Variants in KIF13A observed in about 807,000 individuals in gnomAD.
KIF13A encodes kinesin family member 13A.
A neutral mutation model predicts 212.2 loss-of-function variants in KIF13A; 79 were observed. The observed-to-expected ratio is 0.37, with a 90% CI of 0.31 to 0.45. KIF13A has a LOEUF of 0.45. Among genes scored for constraint, KIF13A ranks in the 20% least tolerant of loss-of-function variants. The pLI, the probability that KIF13A is intolerant of heterozygous loss-of-function variation, is 1.00. For synonymous variants in KIF13A, 789 were observed against 808.6 expected (o/e 0.98, Z 0.41); for missense variants, 1,901 against 2,209.0 (o/e 0.86, Z 2.79).
At chr6:17,781,133 G>A (rs2150307512) in intron 30 of KIF13A, 44 bp downstream of exon 30, 3 of 1,610,854 alleles carry the variant, frequency 1.9e-6, no homozygotes, top group Non-Finnish European at 2.5e-6. Flanking sequence ...CAAGCCTTGT[G>A]TGCTAATCTG....
rs553619622 is a variant in KIF13A, at chr6:17,793,443, TCA to T, written c.3222+804_3222+805del. Among the ~76,000 whole-genome samples, 19 of 152,218 alleles carry T rather than the reference TCA, an allele frequency of 1.2e-4. No individual in the cohort carries two copies. The South Asian group carries it at 3.7e-3, about 30-fold the overall frequency. ...TGAATAGTTCTGACTGATAATACGATCAATTCTTAGATCAATTCTTAGAGGTT... is the reference window on the plus strand; with the variant it reads ...TGAATAGTTCTGACTGATAATACGATATTCTTAGATCAATTCTTAGAGGTT... On this transcript the variant is annotated intron_variant, in intron 25 of 38. Transcript: ENST00000259711.
intron 2 of KIF13A, among the ~76,000 whole-genome samples, chr6:17,910,230 A>G (rs570906808): frequency 6.6e-6 from 1 of 152,380 alleles, no homozygotes; most frequent in African/African-American, 2.4e-5. Flanking sequence ...CAATTTGATA[A>G]GTAGTGGGTA....
At chr6:17,810,658 G>C (rs1055647048) in intron 17 of KIF13A, among the ~76,000 whole-genome samples, 1 of 152,166 alleles carries the variant, frequency 6.6e-6, no homozygotes, top group African/African-American at 2.4e-5. Flanking sequence ...AGAATCAGTG[G>C]GAGCCCTGAG....
chr6:17,870,772 T>C (rs903727161), intron 4 of KIF13A, among the ~76,000 whole-genome samples: 1 of 150,162 alleles, frequency 6.7e-6, no homozygotes, highest in Non-Finnish European at 1.5e-5. Context: ...TGCAGCTGGG[T>C]TCCCCCCCGC....
chr6:17,846,548 G>A (rs1767081518), intron 9 of KIF13A, among the ~76,000 whole-genome samples: 1 of 145,274 alleles, frequency 6.9e-6, no homozygotes, highest in Admixed American at 7.1e-5. Flanking sequence ...TGGGAAAATT[G>A]CTTGAGGCCA....
chr6:17,873,357 T>A lies in KIF13A; in HGVS notation c.220+20A>T, dbSNP rs529580188. On this transcript the variant is annotated intron_variant, in intron 4 of 38. Transcript: ENST00000259711. ...AGAGGCCAGAAGCCCAACTGTCAGG[T>A]GTAGAGGGAGAAAACTTACCAGCGT... The A allele has an allele frequency of 5.1e-6, 8 of 1,557,054 alleles. No homozygotes were observed. In the East Asian group the frequency reaches 1.8e-4, roughly 36 times the overall value.
Position 17,785,730 on chromosome 6 carries a change from T to C in KIF13A, c.3362-89A>G, listed in dbSNP as rs1761001353. On this transcript the variant is annotated intron_variant, in intron 27 of 38. Coordinates refer to ENST00000259711, the MANE Select transcript of KIF13A (RefSeq NM_022113.6). This position sits in a 1 kb window ranked among gnomAD's most constrained non-coding sequence, Gnocchi z 5.8. ...GGAATAGATTTCAGCCTGGGCAACA[T>C]AGTGAGACCCCATCTCTACCAAAAA... The C allele has an allele frequency of 8.7e-6, 12 of 1,378,560 alleles. No homozygotes were observed. Among genetic ancestry groups the C allele is most frequent in the Non-Finnish European group, 1.2e-5 (12 of 1,000,444 alleles). 85.4% of individuals were successfully genotyped at this position (1,378,560 alleles called of 1,614,324 possible).
chr6:17,848,155 G>A (rs1320992227), intron 9 of KIF13A, among the ~76,000 whole-genome samples: 7 of 152,020 alleles, frequency 4.6e-5, no homozygotes, highest in Non-Finnish European at 1.0e-4. Flanking sequence ...TATTTATGGG[G>A]TAAAGTGTGA....
At chr6:17,945,266 C>A (rs994433295) in intron 2 of KIF13A, among the ~76,000 whole-genome samples, 7 of 152,002 alleles carry the variant, frequency 4.6e-5, no homozygotes, top group African/African-American at 1.7e-4. Flanking sequence ...TACAGAAGAG[C>A]ACATACTGTA....
At chr6:17,814,129 T>G (rs1402892703) in intron 17 of KIF13A, among the ~76,000 whole-genome samples, 4 of 151,708 alleles carry the variant, frequency 2.6e-5, no homozygotes, top group Non-Finnish European at 5.9e-5. Flanking sequence ...ATTTTTGTAT[T>G]TTTAGTAGAG....
intron 2 of KIF13A, among the ~76,000 whole-genome samples, chr6:17,977,425 G>T (rs1365021616): frequency 6.6e-6 from 1 of 152,158 alleles, no homozygotes; most frequent in Admixed American, 6.5e-5. Flanking sequence ...AGTAAGCCAA[G>T]GGCACTAAAA....
chr6:17,780,487 G>A (rs1406326682), intron 31 of KIF13A, among the ~76,000 whole-genome samples: 1 of 152,210 alleles, frequency 6.6e-6, no homozygotes, highest in Non-Finnish European at 1.5e-5. Context: ...AAATATCACA[G>A]CTCCACTGCC....
intron 12 of KIF13A, among the ~76,000 whole-genome samples, chr6:17,831,554 C>T (rs1371115192): frequency 1.3e-5 from 2 of 151,160 alleles, no homozygotes; most frequent in Non-Finnish European, 2.9e-5. Context: ...AGGGGCTTCC[C>T]AGGAGAGACA....
chr6:17,880,523 G>C lies in KIF13A; in HGVS notation c.160-7086C>G, dbSNP rs182244586. 1.5e-3 allele frequency among the ~76,000 whole-genome samples: 224 copies of C among 151,598 alleles called. 1 individual carries two copies. Among genetic ancestry groups the C allele is most frequent in the Non-Finnish European group, 2.8e-3 (188 of 67,934 alleles). ...CGCACCTGTAATCCCAGCTACTTGG[G>C]AGGCTGAGATAGGAGAATCATTTGA... On this transcript the variant is annotated intron_variant, in intron 3 of 38. Transcript: ENST00000259711.
At chr6:17,931,283 G>A (rs1775961755) in intron 2 of KIF13A, among the ~76,000 whole-genome samples, 1 of 152,138 alleles carries the variant, frequency 6.6e-6, no homozygotes, top group Non-Finnish European at 1.5e-5. Flanking sequence ...TTCAGATTTT[G>A]ATGAGATCTT....
At chr6:17,940,712 T>C (rs994324923) in intron 2 of KIF13A, among the ~76,000 whole-genome samples, 1 of 152,192 alleles carries the variant, frequency 6.6e-6, no homozygotes, top group Non-Finnish European at 1.5e-5. Context: ...AGAAGATTAT[T>C]TGCATTTCAA....
In KIF13A at chr6:17,783,562, T is replaced by C. The variant is rs1760793521; in HGVS notation, c.3544+84A>G. On this transcript the variant is annotated intron_variant, in intron 29 of 38. Transcript: ENST00000259711. The surrounding 1 kb of genome is among the most constrained non-coding windows in gnomAD (Gnocchi z 4.3). Reference sequence around the variant, plus strand: ...CACATGAATGATTAGAAGAGTGATTTAAGGATCAAAATAATGTGAATCTGG... The same window carrying C: ...CACATGAATGATTAGAAGAGTGATTCAAGGATCAAAATAATGTGAATCTGG... 4.2e-6 allele frequency: 4 copies of C among 947,014 alleles called. No individual in the cohort carries two copies. The highest frequency in any genetic ancestry group is 6.6e-6 in the Non-Finnish European group (4 of 602,698). 58.7% of individuals were successfully genotyped at this position (947,014 alleles called of 1,614,324 possible).
In KIF13A at chr6:17,836,901, TCA is replaced by T; in HGVS notation, c.1130_1131del (p.Leu377GlnfsTer14). ...ACCTCTGCCTGAGAGAGCTGCTCTC[TCA>T]GTTTCTCGACTTCCTCCCGCAGTTC... ...IRELREEVEK[L>X]REQLSQAEAM... On this transcript the variant is annotated frameshift_variant, in exon 11 of 39. Coordinates refer to ENST00000259711, the MANE Select transcript of KIF13A (RefSeq NM_022113.6). LOFTEE classifies it high-confidence loss of function. The T allele has an allele frequency of 6.8e-6, 11 of 1,613,902 alleles. No homozygotes were observed. The highest frequency in any genetic ancestry group is 8.5e-6 in the Non-Finnish European group (10 of 1,179,826).
intron 16 of KIF13A, among the ~76,000 whole-genome samples, chr6:17,823,951 C>T (rs1179938454): frequency 2.3e-5 from 3 of 131,948 alleles, no homozygotes; most frequent in South Asian, 2.4e-4. Context: ...CTCATTCTGT[C>T]GCCCAGGCTG....
Sources: allele counts gnomAD v4.1 joint callset (sites outside exome capture counted in the v4.1 genomes callset), GRCh38; gene constraint gnomAD v4.1.1; non-coding constraint Gnocchi (gnomAD v3.1); transcripts MANE v1.5; gene names NCBI Gene and HGNC (gene_info 2026-07-23, HGNC 2026-07-21).